The following KCNH1 variants were observed in gnomAD, a reference collection of about 807,000 sequenced individuals.
KCNH1 encodes the protein voltage-gated delayed rectifier potassium channel KCNH1.
Under a neutral mutation model 69.2 loss-of-function variants are expected in KCNH1, and 27 were observed. That is an observed-to-expected ratio of 0.39 (90% CI 0.29 to 0.54). KCNH1 has a LOEUF of 0.54. KCNH1 is among the 20% of genes least tolerant of loss of function. The pLI is 0.68. For synonymous variants in KCNH1, 456 were observed against 487.7 expected (o/e 0.93, Z 0.86); for missense variants, 798 against 1,261.6 (o/e 0.63, Z 5.57).
rs1331097902 is a variant in KCNH1, at chr1:211,133,473, G to A, written c.79+394C>T. Reference sequence around the variant, plus strand: ...CCCTGGGGAGAGGCGGCGCCTCTGGGAGCAGCCCGGGAGCCCCAGAGCCTT... The same window carrying A: ...CCCTGGGGAGAGGCGGCGCCTCTGGAAGCAGCCCGGGAGCCCCAGAGCCTT... On this transcript the variant is annotated intron_variant, in intron 1 of 10. Coordinates refer to ENST00000271751, the MANE Select transcript of KCNH1 (RefSeq NM_172362.3). The surrounding 1 kb of genome is among the most constrained non-coding windows in gnomAD (Gnocchi z 5.4). 6.4e-6 allele frequency: 1 copy of A among 155,348 alleles called. No individual in the cohort carries two copies. Among genetic ancestry groups the A allele is most frequent in the Non-Finnish European group, 1.4e-5 (1 of 70,250 alleles). 9.6% of individuals were successfully genotyped at this position (155,348 alleles called of 1,614,324 possible). A position where few individuals can be genotyped will look rare whatever the true frequency, so the allele number is the denominator to read the frequency against.
intron 6 of KCNH1, among the ~76,000 whole-genome samples, chr1:211,010,173 G>A (rs143173975): frequency 6.6e-6 from 1 of 152,288 alleles, no homozygotes; most frequent in East Asian, 1.9e-4. Context: ...TAGAGTCCAA[G>A]TGGAGAGGAG....
At position 210,876,101 on chromosome 1, in the gene KCNH1, A is replaced by T. The variant is rs1053250063; in HGVS notation, c.1462+43539T>A. 3.3e-5 allele frequency among the ~76,000 whole-genome samples: 5 copies of T among 152,318 alleles called. No individual in the cohort carries two copies. In the South Asian group the frequency reaches 8.3e-4, roughly 25 times the overall value. On this transcript the variant is annotated intron_variant, in intron 7 of 10. Transcript: ENST00000271751. ...TGGGAAGGTTGCAAGCAAACGTCCA[A>T]GAGTTTTCAGAGCACTTAAACTTAT... is the stretch of plus-strand genomic sequence containing the variant.
rs182202288 is a variant in KCNH1, at chr1:210,689,603, A to G, written c.2113-5465T>C. ...GTCATTGAAATCTATGGATGTATCA[A>G]AAAGGATTTAGATGATTTTCTCTTG... is the stretch of plus-strand genomic sequence containing the variant. On this transcript the variant is annotated intron_variant, in intron 10 of 10. Coordinates refer to ENST00000271751, the MANE Select transcript of KCNH1 (RefSeq NM_172362.3). Among the ~76,000 whole-genome samples the G allele has an allele frequency of 1.9e-3, 293 of 152,368 alleles. 1 individual carries two copies. The highest frequency in any genetic ancestry group is 0.011 in the Admixed American group (170 of 15,310).
chr1:210,888,718 G>A (rs1482862651), intron 7 of KCNH1, among the ~76,000 whole-genome samples: 1 of 152,102 alleles, frequency 6.6e-6, no homozygotes, highest in Non-Finnish European at 1.5e-5. Context: ...AAATGATAAA[G>A]GGGATATCAC....
chr1:211,070,430 A>ACAC (rs1553376623), intron 5 of KCNH1, among the ~76,000 whole-genome samples: 11,781 of 136,860 alleles, frequency 0.086, 624 homozygotes, highest in Non-Finnish European at 0.12. Context: ...AAAAAAAAAA[A>ACAC]ACACACACAC....
chr1:211,028,034 C>T (rs755202622), intron 5 of KCNH1, among the ~76,000 whole-genome samples: 1 of 152,116 alleles, frequency 6.6e-6, no homozygotes, highest in Non-Finnish European at 1.5e-5. Flanking sequence ...GAGCAAAACA[C>T]AGTTTTTACA....
At chr1:211,130,343 T>C (rs1219988865) in intron 1 of KCNH1, among the ~76,000 whole-genome samples, 1 of 152,202 alleles carries the variant, frequency 6.6e-6, no homozygotes, top group African/African-American at 2.4e-5. Context: ...AAGTTAAAAG[T>C]CGGTTTTAGT....
At chr1:211,041,848 G>A (rs978884615) in intron 5 of KCNH1, among the ~76,000 whole-genome samples, 3 of 152,034 alleles carry the variant, frequency 2.0e-5, no homozygotes, top group African/African-American at 7.2e-5. Flanking sequence ...TCTGCCTCCC[G>A]GGTTCAAGTG....
At chr1:210,688,274 A>C (rs895323602) in intron 10 of KCNH1, among the ~76,000 whole-genome samples, 4 of 152,190 alleles carry the variant, frequency 2.6e-5, no homozygotes, top group African/African-American at 9.7e-5. Context: ...GTATAGCCCT[A>C]ACAGATGGTC....
chr1:210,958,708 T>C (rs1688232874), intron 6 of KCNH1, among the ~76,000 whole-genome samples: 2 of 152,258 alleles, frequency 1.3e-5, no homozygotes, highest in African/African-American at 2.4e-5. Flanking sequence ...AATTGGCTAC[T>C]GAAGCTTGCG....
chr1:210,965,198 G>A (rs959929314), intron 6 of KCNH1, among the ~76,000 whole-genome samples: 12 of 152,138 alleles, frequency 7.9e-5, no homozygotes, highest in Non-Finnish European at 2.9e-5. Flanking sequence ...ACGAGACAAG[G>A]ATGCCCTCTC....
intron 10 of KCNH1, among the ~76,000 whole-genome samples, chr1:210,694,344 GCCCTCACTCC>G (rs886462458): frequency 6.6e-6 from 1 of 151,892 alleles, no homozygotes; most frequent in African/African-American, 2.4e-5. Context: ...GCTACTCCCG[GCCCTCACTCC>G]CCCTGCTTTT....
rs148394673 is a variant in KCNH1, at chr1:211,129,618, C to G, written c.79+4249G>C. 2.0e-4 allele frequency among the ~76,000 whole-genome samples: 31 copies of G among 152,224 alleles called. No homozygotes were observed. The East Asian group carries it at 4.1e-3, about 20-fold the overall frequency. On this transcript the variant is annotated intron_variant, in intron 1 of 10. Transcript: ENST00000271751. ...TCTTAGAATATTTTACAAGAAAAAA[C>G]AAGCTCTGCTGAGCTGGTAATAATC...
At chr1:210,690,802 G>C (rs1032557483) in intron 10 of KCNH1, among the ~76,000 whole-genome samples, 5 of 152,228 alleles carry the variant, frequency 3.3e-5, no homozygotes, top group Non-Finnish European at 5.9e-5. Context: ...CTAAGGCTGT[G>C]TGGCACCCTG....
chr1:210,972,644 A>G (rs1688531173), intron 6 of KCNH1, among the ~76,000 whole-genome samples: 1 of 152,178 alleles, frequency 6.6e-6, no homozygotes. Context: ...AGAAAATGTC[A>G]TTAGGGCAAC....
chr1:210,963,657 A>G (rs1688341546), intron 6 of KCNH1, among the ~76,000 whole-genome samples: 1 of 152,086 alleles, frequency 6.6e-6, no homozygotes, highest in Non-Finnish European at 1.5e-5. Flanking sequence ...ACAAGTATCA[A>G]TAGCCGAATT....
intron 7 of KCNH1, among the ~76,000 whole-genome samples, chr1:210,804,843 C>T (rs538832905): frequency 6.6e-6 from 1 of 152,296 alleles, no homozygotes; most frequent in Admixed American, 6.5e-5. Flanking sequence ...GATGTGGCTC[C>T]TGGGGAAAAA....
intron 4 of KCNH1, 104 bp downstream of exon 4, chr1:211,090,458 G>A: frequency 3.1e-6 from 3 of 972,074 alleles, no homozygotes; most frequent in South Asian, 3.5e-5. Flanking sequence ...AGAATCTTGA[G>A]GTTTGTAAAG....
chr1:210,953,974 T>C (rs1688112181), intron 6 of KCNH1, among the ~76,000 whole-genome samples: 1 of 152,196 alleles, frequency 6.6e-6, no homozygotes, highest in Non-Finnish European at 1.5e-5. Context: ...GGTATACATG[T>C]GCCATGTTGG....
Sources: gnomAD v4.1 joint callset for allele counts (sites outside exome capture counted in the v4.1 genomes callset) on GRCh38, gnomAD v4.1.1 for gene constraint, Gnocchi (gnomAD v3.1) non-coding constraint, MANE v1.5 for transcripts, NCBI Gene and HGNC (gene_info 2026-07-23, HGNC 2026-07-21) for gene names.